KANK1: variants seen among roughly 807,000 people sequenced by gnomAD.
KANK1 encodes the protein KN motif and ankyrin repeat domains 1, also known as KN motif and ankyrin repeat domain-containing protein 1.
A neutral mutation model predicts 106.2 loss-of-function variants in KANK1; 109 were observed. The ratio of observed to expected loss-of-function variants is 1.03; its 90% confidence interval spans 0.88 to 1.20. The LOEUF (loss-of-function observed/expected upper bound fraction) is 1.20. KANK1 is among the 50% of genes most tolerant of loss of function. The pLI, the probability that KANK1 is intolerant of heterozygous loss-of-function variation, is 0.00. For synonymous variants in KANK1, 873 were observed against 652.2 expected (o/e 1.34, Z -5.16); for missense variants, 2,399 against 1,710.7 (o/e 1.40, Z -7.10).
upstream of KANK1, chr9:504,581 G>A (rs984292890): frequency 5.3e-5 from 8 of 150,230 alleles, no homozygotes; most frequent in African/African-American, 2.0e-4. Flanking sequence ...GCGGGTGAGA[G>A]GCTTGCTGGT....
intron 1 of KANK1, among the ~76,000 whole-genome samples, chr9:542,332 C>A (rs1271980173): frequency 1.3e-5 from 2 of 152,182 alleles, no homozygotes; most frequent in Non-Finnish European, 2.9e-5. Context: ...AACCTCGTCT[C>A]TACTAAAAAA....
chr9:581,221 C>G (rs1356528187), intron 1 of KANK1, among the ~76,000 whole-genome samples: 2 of 152,136 alleles, frequency 1.3e-5, no homozygotes, highest in African/African-American at 4.8e-5. Context: ...GAGGGGCTCC[C>G]ACAGTGCAGC....
At chr9:665,686 T>A (rs1844406204) in intron 1 of KANK1, among the ~76,000 whole-genome samples, 1 of 152,236 alleles carries the variant, frequency 6.6e-6, no homozygotes, top group Admixed American at 6.5e-5. Flanking sequence ...CTGCTCTGTT[T>A]CTATGGGGAA....
intron 3 of KANK1, among the ~76,000 whole-genome samples, chr9:498,145 T>C (rs544491149): frequency 3.9e-4 from 60 of 152,294 alleles, no homozygotes; most frequent in Non-Finnish European, 5.3e-4. Context: ...GAGGCACAGG[T>C]AGGTATTACT....
chr9:740,817 C>G lies in KANK1; in HGVS notation c.3579C>G (p.Asn1193Lys), dbSNP rs766820498. 3 of 1,608,922 alleles carry G rather than the reference C, an allele frequency of 1.9e-6. No homozygotes were observed. Among genetic ancestry groups the G allele is most frequent in the Non-Finnish European group, 2.5e-6 (3 of 1,177,762 alleles). ...DADVCNVDHQ[N>K]KAGYTPIMLA... ...ATGTGTGTAATGTGGATCACCAGAA[C>G]AAGGCAGGCTACACCCCCATCATGT... is the stretch of plus-strand genomic sequence containing the variant. The change falls in exon 9 of 12, where the codon AAC (asparagine) becomes AAG (lysine). Residue 1193 changes from asparagine to lysine, a missense_variant. Asn to Lys is a moderately conservative substitution (Grantham distance 94). Transcript: ENST00000382297.
At chr9:554,219 G>A (rs2061443915) in intron 1 of KANK1, among the ~76,000 whole-genome samples, 2 of 152,244 alleles carry the variant, frequency 1.3e-5, no homozygotes, top group Admixed American at 6.5e-5. Context: ...AATTCAGTCT[G>A]AGTCTGAGGG....
intron 1 of KANK1, among the ~76,000 whole-genome samples, chr9:611,646 T>A (rs1796046251): frequency 6.6e-6 from 1 of 152,210 alleles, no homozygotes; most frequent in African/African-American, 2.4e-5. Flanking sequence ...AATGACAGTG[T>A]CATTCTATTT....
chr9:569,193 G>A (rs1456600337), intron 1 of KANK1, among the ~76,000 whole-genome samples: 1 of 128,034 alleles, frequency 7.8e-6, no homozygotes, highest in Non-Finnish European at 1.9e-5. Flanking sequence ...TATCAACTTT[G>A]TCTCAAAAAA....
At chr9:555,432 A>G (rs1167301489) in intron 1 of KANK1, among the ~76,000 whole-genome samples, 2 of 152,240 alleles carry the variant, frequency 1.3e-5, no homozygotes, top group South Asian at 2.1e-4. Flanking sequence ...TGCTATGTAT[A>G]TGGCATAGTC....
chr9:734,522 T>A, intron 6 of KANK1: 2 of 388,418 alleles, frequency 5.1e-6, no homozygotes, highest in Non-Finnish European at 9.7e-6. Flanking sequence ...AAAAATTAGC[T>A]GGGCCTGGTG....
intron 1 of KANK1, among the ~76,000 whole-genome samples, chr9:651,051 T>C (rs188908904): frequency 6.0e-4 from 91 of 152,314 alleles, no homozygotes; most frequent in Middle Eastern, 3.4e-3. Context: ...ATTCTGGCTA[T>C]TTAACCTCTG....
intron 1 of KANK1, among the ~76,000 whole-genome samples, chr9:660,715 C>T (rs1412388690): frequency 2.0e-5 from 3 of 152,140 alleles, no homozygotes; most frequent in African/African-American, 7.2e-5. Context: ...CTCGGTGAAT[C>T]TAAGAGGAGA....
In KANK1 at chr9:713,181, G is replaced by C. The variant is rs553042465; in HGVS notation, c.2415G>C (p.Gly805=). ...TGGGGGTTGGGGATGACCCTGTAGG[G>C]GAATCTCTGGAGAACCCCCAGCCTC... ...RSVGVGDDPV[G]ESLENPQPQA... The change falls in exon 3 of 12, where the codon GGG becomes GGC. Residue 805 remains glycine (G), a synonymous_variant. Transcript: ENST00000382297. 1 of 1,585,156 alleles carries C rather than the reference G, an allele frequency of 6.3e-7. No homozygotes were observed. The highest frequency in any genetic ancestry group is 1.3e-5 in the African/African-American group (1 of 74,452).
intron 1 of KANK1, among the ~76,000 whole-genome samples, chr9:637,327 A>T (rs1269850432): frequency 6.6e-6 from 1 of 152,188 alleles, no homozygotes; most frequent in African/African-American, 2.4e-5. Context: ...CATCTGTGAC[A>T]GTACTTTGTT....
chr9:612,280 T>A (rs1830745320), intron 1 of KANK1, among the ~76,000 whole-genome samples: 1 of 152,320 alleles, frequency 6.6e-6, no homozygotes, highest in Admixed American at 6.5e-5. Flanking sequence ...TGTGTTTTTT[T>A]AATAGCCAGT....
chr9:651,871 A>C (rs2137591815), intron 1 of KANK1, among the ~76,000 whole-genome samples: 1 of 152,346 alleles, frequency 6.6e-6, no homozygotes, highest in Admixed American at 6.5e-5. Flanking sequence ...CCAGAAATGA[A>C]AAATAAATGT....
chr9:684,227 G>A (rs1293476962), intron 2 of KANK1: 1 of 985,364 alleles, frequency 1.0e-6, no homozygotes, highest in South Asian at 4.7e-5. Context: ...ATTTCAGACA[G>A]GCGATTAGCT....
chr9:730,458 A>G (rs1831910923), intron 4 of KANK1: 1 of 561,936 alleles, frequency 1.8e-6, no homozygotes, highest in South Asian at 2.0e-5. Flanking sequence ...TTGGGAGGCC[A>G]AGGCAGGCAG....
chr9:641,971 C>G (rs1407954148), intron 1 of KANK1, among the ~76,000 whole-genome samples: 1 of 152,102 alleles, frequency 6.6e-6, no homozygotes, highest in South Asian at 2.1e-4. Flanking sequence ...CATTGGCAAT[C>G]AAAAGCCGAT....
Sources: allele counts gnomAD v4.1 joint callset (sites outside exome capture counted in the v4.1 genomes callset), GRCh38; gene constraint gnomAD v4.1.1; transcripts MANE v1.5; gene names NCBI Gene and HGNC (gene_info 2026-07-23, HGNC 2026-07-21).